PDE12: variants seen among roughly 807,000 people sequenced by gnomAD.
PDE12 encodes 2',5'-phosphodiesterase 12.
A neutral mutation model predicts 45.4 loss-of-function variants in PDE12; 26 were observed. That is an observed-to-expected ratio of 0.57 (90% CI 0.42 to 0.79). The LOEUF is 0.79. PDE12 is among the 30% of genes least tolerant of loss of function. PDE12 has a pLI of 0.00. For missense variants in PDE12, 668 were observed against 790.0 expected (o/e 0.85, Z 1.85); for synonymous variants, 283 against 323.9 (o/e 0.87, Z 1.36).
chr3:57,603,548 G>C, the PDE12 span, among the ~76,000 whole-genome samples: 1 of 151,514 alleles, frequency 6.6e-6, no homozygotes, highest in Non-Finnish European at 1.5e-5. Context: ...TGTTGGCTAG[G>C]CTGGTCTTGA....
chr3:57,634,358 G>A, the PDE12 span, among the ~76,000 whole-genome samples: 3 of 151,214 alleles, frequency 2.0e-5, no homozygotes, highest in African/African-American at 2.4e-5. Context: ...ACTTGAACCC[G>A]GGAGGTGGAG....
At chr3:57,613,290 A>C in the PDE12 span, among the ~76,000 whole-genome samples, 2 of 146,842 alleles carry the variant, frequency 1.4e-5, no homozygotes, top group African/African-American at 2.5e-5. Flanking sequence ...TAAAAAAAAA[A>C]AAACAACTTT....
At chr3:57,636,112 A>C in the PDE12 span, among the ~76,000 whole-genome samples, 5 of 152,182 alleles carry the variant, frequency 3.3e-5, no homozygotes, top group African/African-American at 1.2e-4. Flanking sequence ...TCTGATCAAC[A>C]GTAGGCTGTT....
chr3:57,643,922 G>A, the PDE12 span, among the ~76,000 whole-genome samples: 1 of 151,858 alleles, frequency 6.6e-6, no homozygotes, highest in Non-Finnish European at 1.5e-5. Context: ...AAGCCAAGGT[G>A]GGCAGATCAC....
chr3:57,651,004 G>C, the PDE12 span, among the ~76,000 whole-genome samples: 1 of 152,006 alleles, frequency 6.6e-6, no homozygotes, highest in Non-Finnish European at 1.5e-5. Context: ...GACTGGTCTC[G>C]AACTCCCGAT....
At chr3:57,635,179 G>C in the PDE12 span, among the ~76,000 whole-genome samples, 1 of 152,024 alleles carries the variant, frequency 6.6e-6, no homozygotes, top group Non-Finnish European at 1.5e-5. Flanking sequence ...CTATGCAGAT[G>C]TAGTCTTCAA....
At chr3:57,640,508 A>G in the PDE12 span, among the ~76,000 whole-genome samples, 1 of 149,246 alleles carries the variant, frequency 6.7e-6, no homozygotes, top group Non-Finnish European at 1.5e-5. Context: ...CAGGAGAAAC[A>G]CTTGAACCTG....
At chr3:57,591,853 G>A in the PDE12 span, among the ~76,000 whole-genome samples, 9 of 152,218 alleles carry the variant, frequency 5.9e-5, no homozygotes, top group Admixed American at 4.6e-4. Flanking sequence ...TGAAGTGTCC[G>A]GAATAGATTA....
downstream of PDE12, among the ~76,000 whole-genome samples, chr3:57,568,583 CTT>C (rs764411740): frequency 1.8e-4 from 25 of 136,536 alleles, no homozygotes; most frequent in Admixed American, 2.2e-4. Flanking sequence ...AGATACACTT[CTT>C]TTTTTTTTTT....
chr3:57,592,295 C>T, the PDE12 span, among the ~76,000 whole-genome samples: 1 of 152,060 alleles, frequency 6.6e-6, no homozygotes, highest in African/African-American at 2.4e-5. Flanking sequence ...TTGAGACCAG[C>T]TTGACCAATA....
In PDE12 at chr3:57,560,557, C is replaced by T. The variant is rs576041338; in HGVS notation, c.*553C>T. The T allele has an allele frequency of 9.9e-4, 677 of 686,236 alleles. 1 individual carries two copies. Among genetic ancestry groups the T allele is most frequent in the Non-Finnish European group, 1.1e-3 (607 of 557,174 alleles). The allele number at this position is 686,236 out of a possible 1,614,324, so 42.5% of individuals were successfully genotyped here. ...GCCAGGCTGGTCTTGAACTCCTGAC[C>T]TCAGGTGATCCACCCACCTCGGCCT... On this transcript the variant is annotated 3_prime_UTR_variant, in exon 3 of 3. Transcript: ENST00000311180.
At chr3:57,629,486 C>T in the PDE12 span, among the ~76,000 whole-genome samples, 1 of 133,388 alleles carries the variant, frequency 7.5e-6, no homozygotes, top group Admixed American at 7.7e-5. Context: ...TAATACAGAA[C>T]ATAAAAAAAA....
chr3:57,642,792 G>T, the PDE12 span, among the ~76,000 whole-genome samples: 1 of 152,072 alleles, frequency 6.6e-6, no homozygotes, highest in African/African-American at 2.4e-5. Flanking sequence ...GATCACCTGA[G>T]GTCAGGAGTT....
At chr3:57,602,656 C>T in the PDE12 span, among the ~76,000 whole-genome samples, 10 of 152,128 alleles carry the variant, frequency 6.6e-5, no homozygotes, top group Non-Finnish European at 1.2e-4. Context: ...CTGCACCCTC[C>T]GTCTCCTGGG....
rs1470815212 is a variant in PDE12, at chr3:57,556,558, A to G, written c.179A>G (p.His60Arg). 1 of 1,613,544 alleles carries G rather than the reference A, an allele frequency of 6.2e-7. No individual in the cohort carries two copies. Among genetic ancestry groups the G allele is most frequent in the Admixed American group, 1.7e-5 (1 of 60,034 alleles). The change falls in exon 1 of 3, where the codon CAC becomes CGC. Residue 60 changes from histidine to arginine, a missense_variant. This residue lies in a region of PDE12 where 580 missense variants were observed against 662.9 expected (regional missense o/e 0.87). Coordinates refer to ENST00000311180, the MANE Select transcript of PDE12 (RefSeq NM_177966.7). This position sits in a 1 kb window ranked among gnomAD's most constrained non-coding sequence, Gnocchi z 5.0. ...TCATTCGCTTTGGCTGATGGTAGCC[A>G]CAAGAACATGCAGCGCGACCAGAGC... is the stretch of plus-strand genomic sequence containing the variant. ...SLSFALADGS[H>R]KNMQRDQSEP...
chr3:57,623,419 C>T, the PDE12 span, among the ~76,000 whole-genome samples: 1 of 152,202 alleles, frequency 6.6e-6, no homozygotes, highest in Non-Finnish European at 1.5e-5. Context: ...TGGCTCACAT[C>T]TGTAATCCCA....
At chr3:57,572,167 G>A in the PDE12 span, 1 of 1,503,966 alleles carries the variant, frequency 6.6e-7, no homozygotes, top group South Asian at 1.1e-5. Context: ...AACAAGCCTA[G>A]ACCAATTTTA....
At position 57,557,055 on chromosome 3, in the gene PDE12, A is replaced by T; in HGVS notation, c.676A>T (p.Thr226Ser). The change falls in exon 1 of 3, where the codon ACT becomes TCT. Residue 226 changes from threonine to serine, a missense_variant. Around this residue, in one of 3 missense-constraint regions of PDE12, gnomAD observed 580 missense variants for 662.9 expected, o/e 0.87. Transcript: ENST00000311180. ...TCCCTCCTCACCTTCTTCTTCTTGG[A>T]CTGAGACTGATGTGGAGGAGCGTGT... The part of the protein sequence containing the change: ...LSPSSPSSSW[T>S]ETDVEERVYT... The T allele has an allele frequency of 6.2e-7, 1 of 1,613,832 alleles. No individual in the cohort carries two copies. The highest frequency in any genetic ancestry group is 1.1e-5 in the South Asian group (1 of 91,076).
chr3:57,607,338 C>G, the PDE12 span, among the ~76,000 whole-genome samples: 4 of 152,172 alleles, frequency 2.6e-5, no homozygotes, highest in African/African-American at 9.6e-5. Flanking sequence ...GAGCGCGTCT[C>G]CCCCTCCGAA....
Sources: allele counts gnomAD v4.1 joint callset (sites outside exome capture counted in the v4.1 genomes callset), GRCh38; gene constraint gnomAD v4.1.1; regional missense constraint gnomAD v4.1.1; non-coding constraint Gnocchi (gnomAD v3.1); transcripts MANE v1.5; gene names NCBI Gene and HGNC (gene_info 2026-07-23, HGNC 2026-07-21).